Variants in SLIT3 observed in about 807,000 individuals in gnomAD.
SLIT3 encodes slit homolog 3 protein.
Under a neutral mutation model 184.0 loss-of-function variants are expected in SLIT3, and 68 were observed. The observed-to-expected ratio is 0.37, with a 90% CI of 0.30 to 0.45. SLIT3 has a LOEUF of 0.45. Among genes scored for constraint, SLIT3 ranks in the 20% least tolerant of loss-of-function variants. The pLI, the probability that SLIT3 is intolerant of heterozygous loss-of-function variation, is 1.00. For missense variants in SLIT3, 1,707 were observed against 2,026.0 expected, an observed-to-expected ratio of 0.84 and a Z score of 3.02; for synonymous variants, 831 against 828.6, an observed-to-expected ratio of 1.00 and a Z score of -0.05.
Position 168,809,288 on chromosome 5 carries a change from C to A in SLIT3, c.794-2701G>T, listed in dbSNP as rs115910095. On this transcript the variant is annotated intron_variant, in intron 8 of 35. Transcript: ENST00000519560. ...CTGTTTGGCAGTGTGTGCTACATTT[C>A]AAGGGATGCTGTCAAGGCAAAAGAA... Among the ~76,000 whole-genome samples, 456 of 152,246 alleles carry A rather than the reference C, an allele frequency of 3.0e-3. 2 individuals carry two copies. Among genetic ancestry groups the A allele is most frequent in the African/African-American group, 1.0e-2 (415 of 41,540 alleles).
intron 4 of SLIT3, among the ~76,000 whole-genome samples, chr5:169,142,765 T>C (rs889937461): frequency 2.6e-5 from 4 of 152,124 alleles, no homozygotes; most frequent in African/African-American, 9.7e-5. Context: ...TACTCCTCAC[T>C]CCAACCATGA....
At chr5:169,193,717 G>T (rs528065260) in intron 3 of SLIT3, among the ~76,000 whole-genome samples, 167 bp from the exon 4 acceptor site, 1 of 152,130 alleles carries the variant, frequency 6.6e-6, no homozygotes, top group Non-Finnish European at 1.5e-5. Flanking sequence ...CCCTGTTGGC[G>T]GGGCTTAGAG....
intron 5 of SLIT3, among the ~76,000 whole-genome samples, chr5:168,862,219 G>A (rs895465295): frequency 2.6e-5 from 4 of 152,126 alleles, no homozygotes; most frequent in African/African-American, 7.2e-5. Context: ...GGGAAAGGGC[G>A]GCAGGTGGCA....
chr5:168,942,888 TAAGTAGAA>T (rs1364070978), intron 4 of SLIT3, among the ~76,000 whole-genome samples: 5 of 152,190 alleles, frequency 3.3e-5, no homozygotes, highest in Non-Finnish European at 5.9e-5. Context: ...AAGCCTAGGC[TAAGTAGAA>T]AAGTGTGTGA....
intron 5 of SLIT3, among the ~76,000 whole-genome samples, chr5:168,880,231 G>A (rs374013229): frequency 1.4e-4 from 22 of 152,152 alleles, no homozygotes; most frequent in African/African-American, 4.8e-4. Context: ...TCCTGTCCCC[G>A]GTTCCCCTTC....
intron 4 of SLIT3, among the ~76,000 whole-genome samples, chr5:169,069,613 G>A (rs1758472979): frequency 6.6e-6 from 1 of 152,204 alleles, no homozygotes; most frequent in South Asian, 2.1e-4. Flanking sequence ...TCTATGTGCG[G>A]TAAGGTTATC....
At chr5:168,876,912 G>T (rs1317885623) in intron 5 of SLIT3, among the ~76,000 whole-genome samples, 1 of 152,036 alleles carries the variant, frequency 6.6e-6, no homozygotes. Flanking sequence ...ATAGTATATG[G>T]TATATATAAT....
At chr5:169,038,535 C>A (rs1267684893) in intron 4 of SLIT3, among the ~76,000 whole-genome samples, 2 of 152,172 alleles carry the variant, frequency 1.3e-5, no homozygotes, top group East Asian at 3.9e-4. Flanking sequence ...CACCATGACG[C>A]TCTCTATGGA....
At chr5:168,945,045 G>A (rs1487274055) in intron 4 of SLIT3, among the ~76,000 whole-genome samples, 1 of 152,146 alleles carries the variant, frequency 6.6e-6, no homozygotes, top group Non-Finnish European at 1.5e-5. Context: ...AGGCCCCAGG[G>A]TGGTACCTGT....
intron 20 of SLIT3, among the ~76,000 whole-genome samples, chr5:168,733,453 G>A (rs938732852): frequency 6.6e-6 from 1 of 152,096 alleles, no homozygotes; most frequent in African/African-American, 2.4e-5. Context: ...CACCCAAAGA[G>A]AAATAAATAA....
chr5:169,192,215 G>A (rs1763576740), intron 4 of SLIT3, among the ~76,000 whole-genome samples: 1 of 152,140 alleles, frequency 6.6e-6, no homozygotes, highest in Admixed American at 6.5e-5. Context: ...GAGTAAAAAG[G>A]AGGGTATAGC....
chr5:168,918,956 T>G (rs1481724332), intron 4 of SLIT3, among the ~76,000 whole-genome samples: 1 of 152,176 alleles, frequency 6.6e-6, no homozygotes, highest in Non-Finnish European at 1.5e-5. Flanking sequence ...GACATTCCAC[T>G]TCTGGAGATT....
intron 3 of SLIT3, among the ~76,000 whole-genome samples, chr5:169,220,503 C>T (rs1173229169): frequency 1.3e-5 from 2 of 152,128 alleles, no homozygotes; most frequent in African/African-American, 4.8e-5. Flanking sequence ...ATGGATAAGG[C>T]TGGCTCTGAT....
chr5:168,794,562 G>A (rs1228669615), intron 10 of SLIT3, among the ~76,000 whole-genome samples: 1 of 152,164 alleles, frequency 6.6e-6, no homozygotes. Flanking sequence ...GGTATCACCC[G>A]GCACTGATGT....
chr5:168,990,251 TC>T (rs1755274778), intron 4 of SLIT3, among the ~76,000 whole-genome samples: 1 of 152,152 alleles, frequency 6.6e-6, no homozygotes, highest in African/African-American at 2.4e-5. Flanking sequence ...TCTCCTCTCT[TC>T]CCTGCATCCC....
At chr5:169,167,627 G>A (rs1762683402) in intron 4 of SLIT3, among the ~76,000 whole-genome samples, 1 of 152,066 alleles carries the variant, frequency 6.6e-6, no homozygotes, top group Non-Finnish European at 1.5e-5. Flanking sequence ...AATCCTGGGA[G>A]CGAAGTACTA....
intron 3 of SLIT3, among the ~76,000 whole-genome samples, chr5:169,204,866 A>G (rs1764017894): frequency 6.6e-6 from 1 of 152,222 alleles, no homozygotes; most frequent in South Asian, 2.1e-4. Flanking sequence ...GGCGGCAGCC[A>G]ATGCCCATTT....
intron 4 of SLIT3, among the ~76,000 whole-genome samples, chr5:168,936,609 C>T (rs1297248206): frequency 6.6e-6 from 1 of 152,104 alleles, no homozygotes; most frequent in Non-Finnish European, 1.5e-5. Context: ...CGAATCTCCC[C>T]AGAAGGGAGA....
At chr5:168,757,084 C>T (rs78228170) in intron 16 of SLIT3, among the ~76,000 whole-genome samples, 10,725 of 152,270 alleles carry the variant, frequency 0.07, 500 homozygotes, top group Non-Finnish European at 0.1. Context: ...AAAGTGCAGC[C>T]TGGGGCAAAC....
Sources: allele counts gnomAD v4.1 joint callset (sites outside exome capture counted in the v4.1 genomes callset), GRCh38; gene constraint gnomAD v4.1.1; transcripts MANE v1.5; gene names NCBI Gene and HGNC (gene_info 2026-07-23, HGNC 2026-07-21).